Variants in SPAG16 observed in about 807,000 individuals in gnomAD.
SPAG16 encodes sperm-associated antigen 16 protein.
Under a neutral mutation model 80.4 loss-of-function variants are expected in SPAG16, and 86 were observed. The observed-to-expected ratio is 1.07, with a 90% CI of 0.90 to 1.28. The LOEUF is 1.28. Ranked by LOEUF, SPAG16 falls within the 50% of genes most tolerant of loss-of-function variation. The pLI, the probability that SPAG16 is intolerant of heterozygous loss-of-function variation, is 0.00. For synonymous variants in SPAG16, 294 were observed against 265.9 expected (o/e 1.11, Z -1.03); for missense variants, 870 against 765.3 (o/e 1.14, Z -1.61).
intron 5 of SPAG16, among the ~76,000 whole-genome samples, chr2:213,330,634 G>C (rs2064054883): frequency 6.6e-6 from 1 of 152,164 alleles, no homozygotes; most frequent in Non-Finnish European, 1.5e-5. Context: ...TTTGGACTGT[G>C]GACTTTTGAG....
At chr2:213,377,913 T>A (rs867797012) in intron 9 of SPAG16, among the ~76,000 whole-genome samples, 39 of 133,342 alleles carry the variant, frequency 2.9e-4, no homozygotes, top group African/African-American at 1.5e-3. Context: ...ATTTTTTTTT[T>A]TTTTTCTTTA....
intron 12 of SPAG16, among the ~76,000 whole-genome samples, chr2:213,953,193 A>T (rs1455393676): frequency 6.6e-6 from 1 of 152,008 alleles, no homozygotes; most frequent in African/African-American, 2.4e-5. Flanking sequence ...TAATCCCCCA[A>T]AACTTAGAAA....
At chr2:213,876,405 A>C (rs1171263160) in intron 11 of SPAG16, among the ~76,000 whole-genome samples, 1 of 151,780 alleles carries the variant, frequency 6.6e-6, no homozygotes, top group Non-Finnish European at 1.5e-5. Context: ...CCTATTTTGT[A>C]TGAGTGCACA....
At chr2:213,694,355 G>A (rs2065073466) in intron 10 of SPAG16, among the ~76,000 whole-genome samples, 1 of 152,124 alleles carries the variant, frequency 6.6e-6, no homozygotes, top group African/African-American at 2.4e-5. Context: ...CTTATTCAGA[G>A]AAGTGTTGGC....
chr2:213,312,490 C>T (rs898264858), intron 4 of SPAG16, among the ~76,000 whole-genome samples: 1 of 151,622 alleles, frequency 6.6e-6, no homozygotes, highest in Non-Finnish European at 1.5e-5. Flanking sequence ...CCTAAAGATA[C>T]ATTCTTACTT....
At chr2:213,713,076 A>C (rs2066074437) in intron 10 of SPAG16, among the ~76,000 whole-genome samples, 1 of 152,178 alleles carries the variant, frequency 6.6e-6, no homozygotes, top group Admixed American at 6.5e-5. Context: ...AAAGCCCCTC[A>C]TAAAACCATC....
At chr2:213,743,293 A>AT (rs1006928290) in intron 10 of SPAG16, among the ~76,000 whole-genome samples, 4 of 152,138 alleles carry the variant, frequency 2.6e-5, no homozygotes, top group African/African-American at 7.2e-5. Context: ...ACATTCATGG[A>AT]TTTTTTCCTA....
intron 10 of SPAG16, among the ~76,000 whole-genome samples, chr2:213,540,987 GC>G (rs2076426770): frequency 6.6e-6 from 1 of 152,368 alleles, no homozygotes; most frequent in South Asian, 2.1e-4. Context: ...GCACGCAGGT[GC>G]ACTCGTAGAG....
chr2:213,327,061 A>G (rs546996303), intron 5 of SPAG16, among the ~76,000 whole-genome samples: 92 of 152,102 alleles, frequency 6.0e-4, no homozygotes, highest in African/African-American at 2.1e-3. Context: ...ATTAAGACAA[A>G]GCATGTGCAA....
chr2:213,633,581 A>G (rs1218436224), intron 10 of SPAG16, among the ~76,000 whole-genome samples: 1 of 152,090 alleles, frequency 6.6e-6, no homozygotes, highest in South Asian at 2.1e-4. Context: ...TTCTTTATTG[A>G]TATAGTGCCA....
intron 13 of SPAG16, among the ~76,000 whole-genome samples, chr2:214,060,775 TACAACACAA>T (rs2050221126): frequency 6.6e-6 from 1 of 152,180 alleles, no homozygotes; most frequent in African/African-American, 2.4e-5. Context: ...GTTGGAATGC[TACAACACAA>T]ATAAATCTCA....
chr2:214,264,841 T>C (rs1182871636), intron 15 of SPAG16, among the ~76,000 whole-genome samples: 1 of 152,150 alleles, frequency 6.6e-6, no homozygotes, highest in African/African-American at 2.4e-5. Flanking sequence ...TCTATATTTT[T>C]GCCTTTTCCA....
intron 10 of SPAG16, among the ~76,000 whole-genome samples, chr2:213,628,812 A>G (rs914549950): frequency 2.6e-5 from 4 of 152,176 alleles, no homozygotes; most frequent in African/African-American, 7.2e-5. Context: ...TTATCTCACC[A>G]ATAAGGAAAC....
chr2:213,738,801 C>T lies in SPAG16; in HGVS notation c.1071-123684C>T, dbSNP rs1366327974. Among the ~76,000 whole-genome samples the T allele has an allele frequency of 2.0e-5, 3 of 152,168 alleles. No individual in the cohort carries two copies. In the East Asian group the frequency reaches 5.8e-4, roughly 29 times the overall value. On this transcript the variant is annotated intron_variant, in intron 10 of 15. Coordinates refer to ENST00000331683, the MANE Select transcript of SPAG16 (RefSeq NM_024532.5). ...GTAGGATTGCACTTTTTAGGGGCTCCATTTGGGGAGATAGGGCTTTAAGAC... is the reference window on the plus strand; with the variant it reads ...GTAGGATTGCACTTTTTAGGGGCTCTATTTGGGGAGATAGGGCTTTAAGAC...
chr2:214,127,232 T>C (rs2054539343), intron 14 of SPAG16, among the ~76,000 whole-genome samples: 1 of 151,782 alleles, frequency 6.6e-6, no homozygotes, highest in African/African-American at 2.4e-5. Flanking sequence ...GGACAACAGA[T>C]TAATGAAATT....
At chr2:213,882,515 G>T (rs1046096455) in intron 11 of SPAG16, among the ~76,000 whole-genome samples, 2 of 151,922 alleles carry the variant, frequency 1.3e-5, no homozygotes, top group Non-Finnish European at 1.5e-5. Context: ...ATTTTAATCT[G>T]TTCCTGGTTC....
intron 15 of SPAG16, among the ~76,000 whole-genome samples, chr2:214,265,836 T>C (rs1411903818): frequency 6.6e-6 from 1 of 152,014 alleles, no homozygotes; most frequent in Non-Finnish European, 1.5e-5. Flanking sequence ...TGTTAAGTTC[T>C]CAAAGGGGCC....
At chr2:213,327,365 A>G (rs1411970996) in intron 5 of SPAG16, among the ~76,000 whole-genome samples, 1 of 152,074 alleles carries the variant, frequency 6.6e-6, no homozygotes, top group Admixed American at 6.6e-5. Flanking sequence ...GTTCTACTGA[A>G]TAGACTTCAT....
intron 13 of SPAG16, among the ~76,000 whole-genome samples, chr2:214,046,530 G>T (rs1490256837): frequency 1.3e-5 from 2 of 152,140 alleles, no homozygotes; most frequent in East Asian, 3.8e-4. Flanking sequence ...TTCCAGGAAT[G>T]CAAGGATGGT....
Sources: gnomAD v4.1 joint callset for allele counts (sites outside exome capture counted in the v4.1 genomes callset) on GRCh38, gnomAD v4.1.1 for gene constraint, MANE v1.5 for transcripts, NCBI Gene and HGNC (gene_info 2026-07-23, HGNC 2026-07-21) for gene names.